Variants in GRIA3 observed in about 807,000 individuals in gnomAD.
GRIA3 encodes the protein glutamate ionotropic receptor AMPA type subunit 3.
Under a neutral mutation model 63.0 loss-of-function variants are expected in GRIA3, and 3 were observed. The observed-to-expected ratio is 0.05, with a 90% CI of 0.02 to 0.12. The LOEUF (loss-of-function observed/expected upper bound fraction) is 0.12, where lower values mean the gene tolerates loss of function less well. Among genes scored for constraint, GRIA3 ranks in the 10% least tolerant of loss-of-function variants. The pLI is 1.00. For missense variants in GRIA3, 347 were observed against 700.9 expected, an observed-to-expected ratio of 0.50 and a Z score of 5.70; for synonymous variants, 274 against 257.9, an observed-to-expected ratio of 1.06 and a Z score of -0.60.
chrX:123,201,538 T>C (rs1250446415), intron 2 of GRIA3, among the ~76,000 whole-genome samples: 1 of 110,392 alleles, frequency 9.1e-6, no homozygotes, highest in Non-Finnish European at 1.9e-5. Flanking sequence ...GATCATCTAG[T>C]CCGTCATCTT....
At chrX:123,449,510 G>A (rs981582289) in intron 12 of GRIA3, among the ~76,000 whole-genome samples, 4 of 111,796 alleles carry the variant, frequency 3.6e-5, no homozygotes, top group Non-Finnish European at 5.6e-5. Flanking sequence ...ACACGCAAAT[G>A]CCAGAAAATC....
chrX:123,339,350 C>A (rs1466614369), intron 4 of GRIA3, among the ~76,000 whole-genome samples: 1 of 112,026 alleles, frequency 8.9e-6, no homozygotes, highest in African/African-American at 3.2e-5. Flanking sequence ...TCTAAGGAAA[C>A]AATTTCAAGC....
intron 3 of GRIA3, among the ~76,000 whole-genome samples, chrX:123,295,766 ACT>A (rs1246934611): frequency 1.8e-5 from 2 of 110,931 alleles, no homozygotes; most frequent in Non-Finnish European, 3.8e-5. Flanking sequence ...TTTTTGGCAC[ACT>A]CCAATTTTTA....
In GRIA3 at chrX:123,253,518, G is replaced by T; in HGVS notation, c.484G>T (p.Val162Leu). ...GGGTCATTACAAGTGGGAGAAGTTT[G>T]TGTACCTCTATGACACAGAACGAGG... Reference protein sequence around the residue: ...LLGHYKWEKFVYLYDTERGFS... With the variant: ...LLGHYKWEKFLYLYDTERGFS... The change falls in exon 3 of 16, where the codon GTG (valine) becomes TTG (leucine). Residue 162 changes from valine to leucine, a missense_variant. By Grantham distance (32) the Val-to-Leu change is conservative. This residue lies in a region of GRIA3 where 113 missense variants were observed against 130.6 expected (regional missense o/e 0.87). Transcript: ENST00000620443. 1 of 1,207,609 alleles carries T rather than the reference G, an allele frequency of 8.3e-7. No homozygotes were observed. Among genetic ancestry groups the T allele is most frequent in the South Asian group, 1.8e-5 (1 of 56,902 alleles).
intron 2 of GRIA3, among the ~76,000 whole-genome samples, chrX:123,244,196 AAT>A (rs1260464498): frequency 8.9e-6 from 1 of 112,351 alleles, no homozygotes; most frequent in Non-Finnish European, 1.9e-5. Context: ...CCAAGATGGT[AAT>A]TAAACCATGC....
chrX:123,188,746 ATCTCT>A (rs1331459318), intron 2 of GRIA3, among the ~76,000 whole-genome samples: 6 of 111,779 alleles, frequency 5.4e-5, no homozygotes, highest in African/African-American at 1.6e-4. Flanking sequence ...ACTAGAATTG[ATCTCT>A]TCTCATGATC....
At chrX:123,435,983 C>T (rs1173511163) in intron 12 of GRIA3, among the ~76,000 whole-genome samples, 1 of 111,220 alleles carries the variant, frequency 9.0e-6, no homozygotes, top group Non-Finnish European at 1.9e-5. Context: ...CTACAAGTCC[C>T]AAGAAACATT....
At position 123,276,310 on chromosome X, in the gene GRIA3, G is replaced by A. The variant is rs529834886; in HGVS notation, c.508+22768G>A. 8.9e-5 allele frequency among the ~76,000 whole-genome samples: 10 copies of A among 111,859 alleles called. No individual in the cohort carries two copies. The South Asian group carries it at 3.0e-3, about 33-fold the overall frequency. On this transcript the variant is annotated intron_variant, in intron 3 of 15. Transcript: ENST00000620443. The stretch of plus-strand genomic sequence containing the variant: ...CCTTACAACCTACTCCCTCCCTTGG[G>A]ATTACTTTTTCCATCCTTTCCATAA...
chrX:123,472,098 TAGAGGG>T (rs2045867067), intron 13 of GRIA3, among the ~76,000 whole-genome samples: 1 of 93,502 alleles, frequency 1.1e-5, no homozygotes, highest in Admixed American at 1.2e-4. Context: ...TGTATGCTAA[TAGAGGG>T]TGGTATATGC....
At chrX:123,197,807 G>T (rs1483376878) in intron 2 of GRIA3, among the ~76,000 whole-genome samples, 2 of 112,159 alleles carry the variant, frequency 1.8e-5, no homozygotes, top group African/African-American at 6.5e-5. Context: ...TGAGACCTTG[G>T]GCAAGTTACT....
At chrX:123,449,473 C>T (rs1379706119) in intron 12 of GRIA3, among the ~76,000 whole-genome samples, 1 of 112,104 alleles carries the variant, frequency 8.9e-6, no homozygotes. Context: ...GTAACTTGAG[C>T]TTCCATGGCG....
intron 11 of GRIA3, among the ~76,000 whole-genome samples, chrX:123,422,496 C>T (rs56118710): frequency 0.014 from 1,509 of 111,306 alleles, 29 homozygotes; most frequent in African/African-American, 0.047. Context: ...TCAATTCAAC[C>T]TTTTTCCCCC....
intron 2 of GRIA3, among the ~76,000 whole-genome samples, chrX:123,203,244 C>A (rs1927793415): frequency 9.0e-6 from 1 of 111,390 alleles, no homozygotes; most frequent in Non-Finnish European, 1.9e-5. Flanking sequence ...AACTGAGATG[C>A]TAAAATCTCT....
chrX:123,250,681 G>A (rs983206538), intron 2 of GRIA3, among the ~76,000 whole-genome samples: 8 of 111,650 alleles, frequency 7.2e-5, no homozygotes, highest in African/African-American at 2.3e-4. Flanking sequence ...ATGATTGCTT[G>A]TTCTAGTCTT....
chrX:123,459,108 A>G (rs1356389594), intron 12 of GRIA3, among the ~76,000 whole-genome samples: 1 of 111,592 alleles, frequency 9.0e-6, no homozygotes, highest in Admixed American at 9.5e-5. Context: ...AATTTCTCCC[A>G]ATAAACCTTT....
At chrX:123,184,797 C>CG (rs1927209791) in intron 1 of GRIA3, 153 bp downstream of exon 1, 1 of 192,335 alleles carries the variant, frequency 5.2e-6, no homozygotes, top group South Asian at 5.3e-5. Flanking sequence ...GGGCGGGGGG[C>CG]GGGGCGGGGG....
chrX:123,373,389 G>C (rs1461730544), intron 5 of GRIA3, among the ~76,000 whole-genome samples: 1 of 111,699 alleles, frequency 9.0e-6, no homozygotes, highest in Non-Finnish European at 1.9e-5. Context: ...CCAGTAATGA[G>C]ATGGCTGGGT....
intron 10 of GRIA3, among the ~76,000 whole-genome samples, chrX:123,413,131 T>G (rs1425428276): frequency 4.5e-5 from 5 of 111,295 alleles, no homozygotes; most frequent in Non-Finnish European, 9.4e-5. Context: ...CTTGTTAGTA[T>G]TTAGTGGTGC....
intron 11 of GRIA3, among the ~76,000 whole-genome samples, chrX:123,426,946 G>A (rs1454845945): frequency 4.5e-5 from 5 of 111,478 alleles, no homozygotes; most frequent in Non-Finnish European, 9.4e-5. Flanking sequence ...GTGGAAGGGG[G>A]TGTGGAGGAA....
Sources: allele counts gnomAD v4.1 joint callset (sites outside exome capture counted in the v4.1 genomes callset), GRCh38; gene constraint gnomAD v4.1.1; regional missense constraint gnomAD v4.1.1; transcripts MANE v1.5; gene names NCBI Gene and HGNC (gene_info 2026-07-23, HGNC 2026-07-21).